The following CPAMD8 variants were observed in gnomAD, a reference collection of about 807,000 sequenced individuals.
CPAMD8 encodes the protein C3 and PZP like alpha-2-macroglobulin domain containing 8.
Under a neutral mutation model 224.7 loss-of-function variants are expected in CPAMD8, and 146 were observed. The ratio of observed to expected loss-of-function variants is 0.65; its 90% CI spans 0.57 to 0.75. The LOEUF (loss-of-function observed/expected upper bound fraction) is 0.75, where lower values mean the gene tolerates loss of function less well. CPAMD8 is among the 30% of genes least tolerant of loss of function. The pLI is 0.00. For synonymous variants in CPAMD8, 966 were observed against 1,044.6 expected (o/e 0.92, Z 1.45); for missense variants, 2,301 against 2,537.5 (o/e 0.91, Z 2.00).
intron 18 of CPAMD8, among the ~76,000 whole-genome samples, chr19:16,966,421 C>G (rs1320270512): frequency 6.6e-6 from 1 of 152,190 alleles, no homozygotes; most frequent in East Asian, 1.9e-4. Flanking sequence ...CCATTCAAGA[C>G]ATAGGCATGG....
intron 10 of CPAMD8, among the ~76,000 whole-genome samples, chr19:16,998,824 T>C (rs1055975371): frequency 1.3e-5 from 2 of 152,136 alleles, no homozygotes; most frequent in South Asian, 2.1e-4. Context: ...ATTCCGCTCC[T>C]AGGAAAGAAC....
chr19:16,986,015 T>C (rs1038607097), intron 13 of CPAMD8, among the ~76,000 whole-genome samples: 16 of 152,138 alleles, frequency 1.1e-4, no homozygotes, highest in Admixed American at 3.9e-4. Flanking sequence ...GCTTGAGATC[T>C]TGGGGGGAAA....
Position 16,977,552 on chromosome 19 carries a change from A to G in CPAMD8, c.1586-12T>C. 1 of 1,567,428 alleles carries G rather than the reference A, an allele frequency of 6.4e-7. No individual in the cohort carries two copies. ...GGCTGGTGGGGGCTCTGAGGTGAGC[A>G]AAAGTAGAGAGAGGTGGTGAATTCT... On this transcript the variant is annotated splice_polypyrimidine_tract_variant and intron_variant, in intron 14 of 41. Coordinates refer to ENST00000443236, the MANE Select transcript of CPAMD8 (RefSeq NM_015692.5).
intron 3 of CPAMD8, among the ~76,000 whole-genome samples, chr19:17,013,881 A>G (rs12984235): frequency 0.37 from 53,214 of 142,752 alleles, 10,022 homozygotes; most frequent in Non-Finnish European, 0.45. Context: ...CCTACACTAC[A>G]CAATTCCTTC....
chr19:16,986,949 A>T (rs1470436375), intron 13 of CPAMD8, among the ~76,000 whole-genome samples: 2 of 151,810 alleles, frequency 1.3e-5, no homozygotes, highest in Non-Finnish European at 2.9e-5. Flanking sequence ...TGAGGCCAGG[A>T]GTTCGAGACC....
At chr19:16,986,404 C>T (rs1180487422) in intron 13 of CPAMD8, among the ~76,000 whole-genome samples, 2 of 152,134 alleles carry the variant, frequency 1.3e-5, no homozygotes, top group Non-Finnish European at 2.9e-5. Flanking sequence ...CTAATCAGAA[C>T]AACAGTCTGG....
chr19:16,936,623 T>G (rs77057122), intron 23 of CPAMD8, among the ~76,000 whole-genome samples: 1 of 152,050 alleles, frequency 6.6e-6, no homozygotes, highest in Non-Finnish European at 1.5e-5. Flanking sequence ...GTCAGGCTGG[T>G]CTCGAACTCT....
intron 23 of CPAMD8, among the ~76,000 whole-genome samples, chr19:16,938,154 TGTATTCATTCCCTGA>T (rs552885343): frequency 1.4e-3 from 218 of 152,294 alleles, no homozygotes; most frequent in African/African-American, 4.6e-3. Flanking sequence ...GTATTCCCTG[TGTATTCATTCCCTGA>T]GTATTCATTC....
At chr19:16,996,590 G>A (rs766212160) in intron 11 of CPAMD8, among the ~76,000 whole-genome samples, 42 of 152,112 alleles carry the variant, frequency 2.8e-4, no homozygotes, top group Admixed American at 7.2e-4. Context: ...AGGCCAAGGC[G>A]GGAAGTTCAC....
At position 16,975,552 on chromosome 19, in the gene CPAMD8, G is replaced by GA. The variant is rs990323540; in HGVS notation, c.1909-295dup. Reference sequence around the variant, plus strand: ...CAAGACCCCGCCCCTACAAAAGATAGAAAAAATTAGCCAGGCGTGGTGGTG... The same window carrying GA: ...CAAGACCCCGCCCCTACAAAAGATAGAAAAAAATTAGCCAGGCGTGGTGGTG... On this transcript the variant is annotated intron_variant, in intron 16 of 41. Transcript: ENST00000443236. Among the ~76,000 whole-genome samples the GA allele has an allele frequency of 7.4e-4, 112 of 151,804 alleles. 1 individual carries two copies. The highest frequency in any genetic ancestry group is 1.2e-3 in the Non-Finnish European group (79 of 67,928).
At chr19:16,968,800 T>C (rs60388064) in intron 18 of CPAMD8, among the ~76,000 whole-genome samples, 6,675 of 151,680 alleles carry the variant, frequency 0.044, 275 homozygotes, top group African/African-American at 0.11. Flanking sequence ...CCACCACACA[T>C]GGTTAATTTT....
intron 6 of CPAMD8, chr19:17,009,056 C>A (rs1451236585): frequency 1.9e-6 from 1 of 536,288 alleles, no homozygotes; most frequent in East Asian, 3.2e-5. Flanking sequence ...AGATCAGCAC[C>A]ACTGCAATCC....
intron 11 of CPAMD8, among the ~76,000 whole-genome samples, chr19:16,996,212 C>A (rs1303435734): frequency 1.3e-5 from 2 of 151,714 alleles, no homozygotes; most frequent in Non-Finnish European, 1.5e-5. Flanking sequence ...GTGGCTCATG[C>A]CTGCAGTCCC....
chr19:16,985,935 T>C (rs147125769), intron 13 of CPAMD8, among the ~76,000 whole-genome samples: 2 of 152,202 alleles, frequency 1.3e-5, no homozygotes, highest in East Asian at 3.9e-4. Context: ...TATATTAACA[T>C]TTTTCAATTT....
Position 16,914,776 on chromosome 19 carries a change from G to T in CPAMD8, c.3667C>A (p.Arg1223Ser). 6.2e-7 allele frequency: 1 copy of T among 1,613,828 alleles called. No individual in the cohort carries two copies. The highest frequency in any genetic ancestry group is 8.5e-7 in the Non-Finnish European group (1 of 1,179,864). ...AFVLKSFAQA[R>S]SFIFVDPREL... ...CGGGGGTCCACGAAGATAAAGCTGCGAGCCTGTGCGAAGGACTTCAGGACA... is the reference window on the plus strand; with the variant it reads ...CGGGGGTCCACGAAGATAAAGCTGCTAGCCTGTGCGAAGGACTTCAGGACA... Residue 1223 changes from arginine to serine, a missense_variant, in exon 28 of 42, where the codon CGC becomes AGC. This residue lies in a region of CPAMD8 where 1,709 missense variants were observed against 1,753.2 expected (regional missense o/e 0.97). Transcript: ENST00000443236.
chr19:16,933,808 A>T (rs2053611714), intron 23 of CPAMD8, among the ~76,000 whole-genome samples: 1 of 152,206 alleles, frequency 6.6e-6, no homozygotes, highest in Non-Finnish European at 1.5e-5. Context: ...ACATACACGA[A>T]CCATATGATT....
At chr19:16,925,064 T>C in intron 26 of CPAMD8, 132 bp downstream of exon 26, 1 of 883,314 alleles carries the variant, frequency 1.1e-6, no homozygotes, top group Non-Finnish European at 1.8e-6. Context: ...CCACCCTGAA[T>C]GGCCTCTTTT....
At position 16,902,651 on chromosome 19, in the gene CPAMD8, G is replaced by T. The variant is rs761001388; in HGVS notation, c.4683C>A (p.Thr1561=). Residue 1561 remains threonine (T), a splice_region_variant and synonymous_variant, in exon 35 of 42, where the codon ACC becomes ACA. Transcript: ENST00000443236. ...QEYKVMLEVC[T]RWLHAGSSNM... ...GCCAGCAGGGCAGGTGGCCTTACCT[G>T]GTGCACACCTCCAGCATCACCTTGT... 3.7e-6 allele frequency: 6 copies of T among 1,602,112 alleles called. No individual in the cohort carries two copies. Among genetic ancestry groups the T allele is most frequent in the Middle Eastern group, 2.2e-4 (1 of 4,454 alleles).
intron 25 of CPAMD8, 83 bp downstream of exon 25, chr19:16,927,926 G>A (rs569655902): frequency 2.9e-6 from 3 of 1,038,410 alleles, no homozygotes; most frequent in South Asian, 2.6e-5. Flanking sequence ...CCCCAGCAAA[G>A]CCCAGCTTGA....
Sources: gnomAD v4.1 joint callset for allele counts (sites outside exome capture counted in the v4.1 genomes callset) on GRCh38, gnomAD v4.1.1 for gene constraint, gnomAD v4.1.1 regional missense constraint, MANE v1.5 for transcripts, NCBI Gene and HGNC (gene_info 2026-07-23, HGNC 2026-07-21) for gene names.